The following MECOM variants were observed in gnomAD, a reference collection of about 807,000 sequenced individuals.
MECOM encodes the protein MDS1 and EVI1 complex locus.
A neutral mutation model predicts 116.3 loss-of-function variants in MECOM; 13 were observed. That is an observed-to-expected ratio of 0.11 (90% CI 0.07 to 0.18). The LOEUF is 0.18. MECOM is among the 10% of genes least tolerant of loss of function. The probability of loss-of-function intolerance (pLI) is 1.00; values close to 1 mark genes in which losing one functional copy is unlikely to be tolerated. For synonymous variants in MECOM, 528 were observed against 535.2 expected (o/e 0.99, Z 0.19); for missense variants, 1,299 against 1,509.0 (o/e 0.86, Z 2.31).
At chr3:169,640,706 T>C (rs371404021) in intron 1 of MECOM, among the ~76,000 whole-genome samples, 1 of 152,106 alleles carries the variant, frequency 6.6e-6, no homozygotes, top group African/African-American at 2.4e-5. Flanking sequence ...CTCATCTCCG[T>C]GTTATAGAGG....
intron 1 of MECOM, among the ~76,000 whole-genome samples, chr3:169,490,346 C>A (rs1752932665): frequency 6.6e-6 from 1 of 152,084 alleles, no homozygotes; most frequent in South Asian, 2.1e-4. Context: ...TTCAAGGTAT[C>A]GATCTTGAAA....
Position 169,089,166 on chromosome 3 carries a change from T to C in MECOM, c.3419A>G (p.Tyr1140Cys), listed in dbSNP as rs754957124. 1.9e-6 allele frequency: 3 copies of C among 1,546,534 alleles called. No individual in the cohort carries two copies. The East Asian group carries it at 7.1e-5, about 37-fold the overall frequency. ...TSPVRYKEEE[Y>C]KSGLSALDHI... is the part of the protein sequence containing the mutation. ...ATCTAGAGCAGAAAGTCCACTTTTATATTCTTCCTCTTTATACCTAAAATG... is the reference window on the plus strand; with the variant it reads ...ATCTAGAGCAGAAAGTCCACTTTTACATTCTTCCTCTTTATACCTAAAATG... The change falls in exon 16 of 17, where the codon TAT becomes TGT. Residue 1140 changes from tyrosine to cysteine, a missense_variant. Tyr to Cys is a radical substitution (Grantham distance 194). This residue lies in a region of MECOM where 273 missense variants were observed against 289.3 expected (regional missense o/e 0.94). Coordinates refer to ENST00000651503, the MANE Select transcript of MECOM (RefSeq NM_004991.4).
chr3:169,239,735 A>G (rs1754547094), intron 2 of MECOM, among the ~76,000 whole-genome samples: 1 of 152,174 alleles, frequency 6.6e-6, no homozygotes, highest in South Asian at 2.1e-4. Flanking sequence ...TAAAGAATAG[A>G]AACCTCAGTT....
chr3:169,254,931 T>C (rs148492074), intron 2 of MECOM, among the ~76,000 whole-genome samples: 123 of 152,190 alleles, frequency 8.1e-4, no homozygotes, highest in African/African-American at 2.9e-3. Flanking sequence ...AAGGCTCTTC[T>C]TCTGCTTAAT....
intron 2 of MECOM, among the ~76,000 whole-genome samples, chr3:169,180,721 ATC>A (rs1452025623): frequency 6.7e-6 from 1 of 149,046 alleles, no homozygotes; most frequent in Non-Finnish European, 1.5e-5. Flanking sequence ...CTTATTGTAT[ATC>A]TCAAAAAGGG....
In MECOM at chr3:169,549,614, C is replaced by T. The variant is rs143996399; in HGVS notation, c.37+113722G>A. ...AGTGCCACAGCTTGCCCAGGATTTT[C>T]CCTGTGTCCTCGATTCTTCATCTGC... On this transcript the variant is annotated intron_variant, in intron 1 of 16. Transcript: ENST00000651503. Among the ~76,000 whole-genome samples, 18 of 152,304 alleles carry T rather than the reference C, an allele frequency of 1.2e-4. No homozygotes were observed. In the East Asian group the frequency reaches 3.5e-3, roughly 29 times the overall value.
At chr3:169,189,080 G>A (rs766419875) in intron 2 of MECOM, among the ~76,000 whole-genome samples, 3 of 152,024 alleles carry the variant, frequency 2.0e-5, no homozygotes, top group South Asian at 2.1e-4. Context: ...TTCATGACTC[G>A]CATGATCCTA....
chr3:169,441,823 C>T (rs1261340582), intron 1 of MECOM, among the ~76,000 whole-genome samples: 3 of 150,920 alleles, frequency 2.0e-5, no homozygotes, highest in Non-Finnish European at 3.0e-5. Context: ...CTCCACCTCT[C>T]GGGATCAAGT....
At chr3:169,159,564 AT>A in intron 2 of MECOM, among the ~76,000 whole-genome samples, 1 of 152,312 alleles carries the variant, frequency 6.6e-6, no homozygotes, top group African/African-American at 2.4e-5. Flanking sequence ...TCTCAAAAAA[AT>A]AAATAAATAA....
chr3:169,454,603 A>G (rs1384009958), intron 1 of MECOM, among the ~76,000 whole-genome samples: 2 of 152,144 alleles, frequency 1.3e-5, no homozygotes, highest in Non-Finnish European at 2.9e-5. Flanking sequence ...TTTATCTTAC[A>G]CTAAAGTTCA....
chr3:169,136,084 C>A (rs894344238), intron 3 of MECOM, among the ~76,000 whole-genome samples: 1 of 151,274 alleles, frequency 6.6e-6, no homozygotes, highest in Non-Finnish European at 1.5e-5. Flanking sequence ...TTAATCAAAC[C>A]CTGAAAGCAA....
At chr3:169,421,651 T>C (rs76004209) in intron 1 of MECOM, among the ~76,000 whole-genome samples, 6,561 of 152,186 alleles carry the variant, frequency 0.043, 444 homozygotes, top group Admixed American at 0.19. Context: ...TTTTCTGTGG[T>C]TGGCAAACCA....
At chr3:169,382,619 T>G (rs1732591971) in intron 1 of MECOM, among the ~76,000 whole-genome samples, 1 of 151,924 alleles carries the variant, frequency 6.6e-6, no homozygotes, top group Non-Finnish European at 1.5e-5. Context: ...TCATAGAACT[T>G]CAAGGAAGGA....
intron 1 of MECOM, among the ~76,000 whole-genome samples, chr3:169,644,620 C>T (rs143057338): frequency 1.0e-3 from 156 of 152,244 alleles, no homozygotes; most frequent in African/African-American, 3.6e-3. Context: ...TCAAAATTCT[C>T]ATAAAAACCT....
chr3:169,113,352 C>T (rs1357681320), intron 8 of MECOM, among the ~76,000 whole-genome samples: 1 of 149,608 alleles, frequency 6.7e-6, no homozygotes, highest in Non-Finnish European at 1.5e-5. Context: ...ACACTGCTAG[C>T]CACTCTTTGA....
intron 2 of MECOM, among the ~76,000 whole-genome samples, chr3:169,347,903 A>G (rs1489104470): frequency 2.0e-5 from 3 of 152,002 alleles, no homozygotes; most frequent in Non-Finnish European, 4.4e-5. Flanking sequence ...AAAATAGCCT[A>G]CTTGAGCAGT....
At chr3:169,490,504 A>G (rs1752952368) in intron 1 of MECOM, among the ~76,000 whole-genome samples, 1 of 152,252 alleles carries the variant, frequency 6.6e-6, no homozygotes, top group Non-Finnish European at 1.5e-5. Context: ...ATAGAATATC[A>G]TATGACAGTT....
At chr3:169,376,968 C>T (rs1289755214) in intron 2 of MECOM, among the ~76,000 whole-genome samples, 2 of 152,022 alleles carry the variant, frequency 1.3e-5, no homozygotes, top group Admixed American at 6.6e-5. Context: ...GGTACTGGTG[C>T]CAAAACGGAT....
At chr3:169,195,549 C>T (rs1248574613) in intron 2 of MECOM, among the ~76,000 whole-genome samples, 1 of 152,028 alleles carries the variant, frequency 6.6e-6, no homozygotes. Flanking sequence ...TTATTAACGC[C>T]AGTTAATTCC....
Sources: gnomAD v4.1 joint callset for allele counts (sites outside exome capture counted in the v4.1 genomes callset) on GRCh38, gnomAD v4.1.1 for gene constraint, gnomAD v4.1.1 regional missense constraint, MANE v1.5 for transcripts, NCBI Gene and HGNC (gene_info 2026-07-23, HGNC 2026-07-21) for gene names.